The following GPRC5C variants were observed in gnomAD, a reference collection of about 807,000 sequenced individuals.
GPRC5C encodes the protein G protein-coupled receptor family C group 5 member C.
GPRC5C carries 22 observed loss-of-function variants against 31.4 expected under a neutral mutation model. The observed-to-expected ratio is 0.70, with a 90% CI of 0.50 to 1.00. The LOEUF (loss-of-function observed/expected upper bound fraction) is 1.00. Among genes scored for constraint, GPRC5C ranks in the 50% least tolerant of loss-of-function variants. The pLI is 0.00. For synonymous variants in GPRC5C, 249 were observed against 257.5 expected (o/e 0.97, Z 0.32); for missense variants, 557 against 597.2 (o/e 0.93, Z 0.70).
intron 2 of GPRC5C, among the ~76,000 whole-genome samples, chr17:74,442,374 G>C (rs1450005234): frequency 6.6e-6 from 1 of 152,200 alleles, no homozygotes; most frequent in African/African-American, 2.4e-5. Flanking sequence ...TAGCTGTACA[G>C]CCCACTAGCA....
chr17:74,446,827 G>A (rs756105765), intron 3 of GPRC5C, 22 bp from the exon 4 acceptor site: 1 of 1,584,128 alleles, frequency 6.3e-7, no homozygotes, highest in South Asian at 1.1e-5. Context: ...CCGACTGTGA[G>A]ACCGCCTGTT....
chr17:74,446,721 C>T, intron 3 of GPRC5C, 128 bp from the exon 4 acceptor site: 2 of 728,958 alleles, frequency 2.7e-6, no homozygotes, highest in Admixed American at 5.2e-5. Flanking sequence ...CCAGAGGGGG[C>T]AGAGGAGCCG....
intron 1 of GPRC5C, chr17:74,433,813 G>A: frequency 7.8e-7 from 1 of 1,289,054 alleles, no homozygotes; most frequent in Non-Finnish European, 1.1e-6. Context: ...TTCCAGTGCG[G>A]TATCCTTGGC....
Position 74,447,161 on chromosome 17 carries a change from CCTCT to C in GPRC5C, c.*136_*139del. 1 of 1,453,036 alleles carries C rather than the reference CCTCT, an allele frequency of 6.9e-7. No homozygotes were observed. 90.0% of individuals were successfully genotyped at this position (1,453,036 alleles called of 1,614,324 possible). A position where few individuals can be genotyped will look rare whatever the true frequency, so the allele number is the denominator to read the frequency against. On this transcript the variant is annotated 3_prime_UTR_variant, in exon 4 of 4. Transcript: ENST00000392627. ...TGTGCCCCAGATCTGGAAGGGCCTC[CCTCT>C]CTGCCAGTGTTTGGGTGGGTGTCAT...
At position 74,440,097 on chromosome 17, in the gene GPRC5C, T is replaced by G; in HGVS notation, c.321T>G (p.Cys107Trp). Reference sequence around the variant, plus strand: ...GCCTCTTCTGCCTCGTGTTTGCCTGTGTGGTGAAGCCCGACTTCTCCACCT... The same window carrying G: ...GCCTCTTCTGCCTCGTGTTTGCCTGGGTGGTGAAGCCCGACTTCTCCACCT... ...TLGLFCLVFA[C>W]VVKPDFSTCA... The change falls in exon 2 of 4, where the codon TGT becomes TGG. Residue 107 changes from cysteine to tryptophan, a missense_variant. By Grantham distance (215) the Cys-to-Trp change is radical (BLOSUM62 -2). Transcript: ENST00000392627. This position sits in a 1 kb window ranked among gnomAD's most constrained non-coding sequence, Gnocchi z 4.4. 1 of 1,614,058 alleles carries G rather than the reference T, an allele frequency of 6.2e-7. No homozygotes were observed. Among genetic ancestry groups the G allele is most frequent in the South Asian group, 1.1e-5 (1 of 91,082 alleles).
Position 74,440,155 on chromosome 17 carries a change from T to C in GPRC5C, c.379T>C (p.Phe127Leu). 6.2e-7 allele frequency: 1 copy of C among 1,614,206 alleles called. No homozygotes were observed. ...ASRRFLFGVL[F>L]AICFSCLAAH... ...TCGGCGCTTCCTCTTTGGGGTTCTG[T>C]TCGCCATCTGCTTCTCTTGTCTGGC... The change falls in exon 2 of 4, where the codon TTC becomes CTC. Residue 127 changes from phenylalanine to leucine, a missense_variant. Coordinates refer to ENST00000392627, the MANE Select transcript of GPRC5C (RefSeq NM_022036.4). This position sits in a 1 kb window ranked among gnomAD's most constrained non-coding sequence, Gnocchi z 4.4.
intron 1 of GPRC5C, 191 bp downstream of exon 1, chr17:74,432,332 A>T (rs1478085127): frequency 1.4e-6 from 2 of 1,426,758 alleles, no homozygotes; most frequent in African/African-American, 2.9e-5. Context: ...CGAGCAACCC[A>T]GCGCGCCTGG....
At chr17:74,433,627 C>A in intron 1 of GPRC5C, 1 of 1,182,598 alleles carries the variant, frequency 8.5e-7, no homozygotes, top group Non-Finnish European at 1.3e-6. Flanking sequence ...GTCAGTCGGG[C>A]CATCGTCTTT....
At chr17:74,438,417 C>T (rs937407964) in intron 1 of GPRC5C, among the ~76,000 whole-genome samples, 9 of 151,552 alleles carry the variant, frequency 5.9e-5, no homozygotes, top group African/African-American at 1.7e-4. Context: ...TGCACCTCCA[C>T]GCCCGGCTAA....
rs139164945 is a variant in GPRC5C at position 74,440,508 on chromosome 17, T to C, written c.732T>C (p.Phe244=). The change falls in exon 2 of 4, where the codon TTT becomes TTC. Residue 244 remains phenylalanine (F), a synonymous_variant. Coordinates refer to ENST00000392627, the MANE Select transcript of GPRC5C (RefSeq NM_022036.4). The surrounding 1 kb of genome is among the most constrained non-coding windows in gnomAD (Gnocchi z 4.4). Reference sequence around the variant, plus strand: ...AGCGCTGGCGTAAGCATGGGGTCTTTGTGCTCCTCACCACAGCCACCTCCG... The same window carrying C: ...AGCGCTGGCGTAAGCATGGGGTCTTCGTGCTCCTCACCACAGCCACCTCCG... ...RYKRWRKHGV[F]VLLTTATSVA... 1.1e-4 allele frequency: 181 copies of C among 1,614,150 alleles called. No individual in the cohort carries two copies. The African/African-American group carries it at 2.2e-3, about 19-fold the overall frequency.
chr17:74,432,175 G>T (rs1465886808), intron 1 of GPRC5C, 34 bp downstream of exon 1: 1 of 1,595,322 alleles, frequency 6.3e-7, no homozygotes. Context: ...GGCAGGCTTT[G>T]TTCCTGTGTA....
At chr17:74,449,001 C>G (rs535655002), downstream of GPRC5C, 2 of 867,694 alleles carry the variant, frequency 2.3e-6, no homozygotes, top group Admixed American at 4.8e-5. Flanking sequence ...AAGACTTTGC[C>G]AGGGGGCTGC....
At chr17:74,433,605 G>A in intron 1 of GPRC5C, 1 of 942,938 alleles carries the variant, frequency 1.1e-6, no homozygotes, top group Non-Finnish European at 1.7e-6. Context: ...TAGGAGTGGA[G>A]GCAGGAAGGC....
At chr17:74,432,197 C>T (rs754731705) in intron 1 of GPRC5C, 56 bp downstream of exon 1, 5 of 1,574,354 alleles carry the variant, frequency 3.2e-6, no homozygotes, top group East Asian at 2.4e-5. Flanking sequence ...ACGGAGCGCA[C>T]GTACCTGGAG....
At chr17:74,437,003 C>T (rs891596826) in intron 1 of GPRC5C, among the ~76,000 whole-genome samples, 2 of 152,132 alleles carry the variant, frequency 1.3e-5, no homozygotes, top group African/African-American at 4.8e-5. Context: ...AGTGCAGTGG[C>T]GCAATCTCGG....
chr17:74,443,412 C>G, intron 2 of GPRC5C: 1 of 358,302 alleles, frequency 2.8e-6, no homozygotes, highest in Non-Finnish European at 5.5e-6. Context: ...TGGCAGCTGG[C>G]CCGTGGTGAC....
In GPRC5C at chr17:74,440,031, C is replaced by T. The variant is rs756634395; in HGVS notation, c.255C>T (p.Ser85=). 6.2e-7 allele frequency: 1 copy of T among 1,610,930 alleles called. No individual in the cohort carries two copies. The highest frequency in any genetic ancestry group is 1.3e-5 in the African/African-American group (1 of 75,058). Residue 85 remains serine (S), a synonymous_variant, in exon 2 of 4, where the codon AGC becomes AGT. Transcript: ENST00000392627. This position sits in a 1 kb window ranked among gnomAD's most constrained non-coding sequence, Gnocchi z 4.4. The part of the protein sequence containing the change: ...LPFVQDTKKR[S]LLGTQVFFLL... Reference sequence around the variant, plus strand: ...TTGTGCAGGACACCAAGAAACGGAGCCTGCTGGGGACCCAGGTATTCTTCC... The same window carrying T: ...TTGTGCAGGACACCAAGAAACGGAGTCTGCTGGGGACCCAGGTATTCTTCC...
chr17:74,443,745 C>T (rs1426240766), intron 2 of GPRC5C, 73 bp from the exon 3 acceptor site: 1 of 1,131,870 alleles, frequency 8.8e-7, no homozygotes, highest in Non-Finnish European at 1.4e-6. Context: ...GAGAGCCTTG[C>T]TTGGTTTGTG....
downstream of GPRC5C, chr17:74,449,024 G>C (rs972896382): frequency 2.4e-5 from 14 of 577,336 alleles, no homozygotes; most frequent in African/African-American, 2.7e-4. Context: ...GGCCGGCCCC[G>C]GGGAGCCTGC....
Sources: gnomAD v4.1 joint callset for allele counts (sites outside exome capture counted in the v4.1 genomes callset) on GRCh38, gnomAD v4.1.1 for gene constraint, Gnocchi (gnomAD v3.1) non-coding constraint, MANE v1.5 for transcripts, NCBI Gene and HGNC (gene_info 2026-07-23, HGNC 2026-07-21) for gene names.